The following UBAP2 variants were observed in gnomAD, a reference collection of about 807,000 sequenced individuals.
UBAP2 encodes the protein ubiquitin associated protein 2.
Under a neutral mutation model 139.6 loss-of-function variants are expected in UBAP2, and 75 were observed. That is an observed-to-expected ratio of 0.54 (90% CI 0.45 to 0.65). The LOEUF is 0.65. Among genes scored for constraint, UBAP2 ranks in the 30% least tolerant of loss-of-function variants. The pLI is 0.00. For missense variants in UBAP2, 1,368 were observed against 1,369.6 expected, an observed-to-expected ratio of 1.00 and a Z score of 0.02; for synonymous variants, 526 against 526.2, an observed-to-expected ratio of 1.00 and a Z score of 0.01.
intron 1 of UBAP2, among the ~76,000 whole-genome samples, chr9:34,043,500 T>G (rs1468792245): frequency 6.6e-6 from 1 of 152,048 alleles, no homozygotes; most frequent in African/African-American, 2.4e-5. Flanking sequence ...TCAGCAAGTA[T>G]GCAAAGTATG....
chr9:34,041,233 G>A (rs971769334), intron 1 of UBAP2, among the ~76,000 whole-genome samples: 5 of 151,124 alleles, frequency 3.3e-5, no homozygotes, highest in African/African-American at 7.3e-5. Flanking sequence ...TGGGCAGATC[G>A]CTGGAGGTCA....
chr9:34,000,928 G>C (rs558383420), intron 2 of UBAP2, among the ~76,000 whole-genome samples: 30 of 152,292 alleles, frequency 2.0e-4, no homozygotes, highest in African/African-American at 6.5e-4. Context: ...GAAATTCAGT[G>C]TCTACCCTTA....
At chr9:34,009,405 G>T (rs1231286315) in intron 2 of UBAP2, among the ~76,000 whole-genome samples, 8 of 151,822 alleles carry the variant, frequency 5.3e-5, no homozygotes, top group African/African-American at 1.9e-4. Flanking sequence ...GGCCAAAAAG[G>T]TTTTTTTCTT....
rs1323532262 is a variant in UBAP2 at position 33,959,161 on chromosome 9, A to G, written c.798+1665T>C. On this transcript the variant is annotated intron_variant, in intron 10 of 28. Transcript: ENST00000379238. ...GAGCAAGGCCCTGTCTCAAAAAAAA[A>G]AAAATTAAAGTACTTATTTTTTACA... Among the ~76,000 whole-genome samples the G allele has an allele frequency of 4.6e-5, 7 of 152,154 alleles. No homozygotes were observed. In the East Asian group the frequency reaches 1.4e-3, roughly 29 times the overall value.
chr9:34,005,305 C>T (rs1823100479), intron 2 of UBAP2, among the ~76,000 whole-genome samples: 1 of 149,590 alleles, frequency 6.7e-6, no homozygotes, highest in African/African-American at 2.5e-5. Context: ...CATGGTGGCG[C>T]ATACCTGTAG....
chr9:33,979,375 A>G (rs1820434168), intron 6 of UBAP2, among the ~76,000 whole-genome samples: 1 of 152,226 alleles, frequency 6.6e-6, no homozygotes, highest in African/African-American at 2.4e-5. Context: ...TTAAATACAC[A>G]TTTAAGCCTG....
intron 2 of UBAP2, among the ~76,000 whole-genome samples, chr9:34,009,827 G>A (rs1340850216): frequency 2.9e-4 from 39 of 132,738 alleles, no homozygotes; most frequent in African/African-American, 1.0e-3. Context: ...TTTTTTTTGA[G>A]ACAGAGTTTC....
At chr9:33,931,020 G>A (rs989751333) in intron 19 of UBAP2, among the ~76,000 whole-genome samples, 1 of 151,948 alleles carries the variant, frequency 6.6e-6, no homozygotes, top group Non-Finnish European at 1.5e-5. Context: ...AAGTAGATGA[G>A]AGACAGAAAA....
intron 2 of UBAP2, among the ~76,000 whole-genome samples, chr9:34,004,002 G>A (rs1439491808): frequency 6.6e-6 from 1 of 152,134 alleles, no homozygotes; most frequent in Non-Finnish European, 1.5e-5. Context: ...TTACAGGTAT[G>A]AGCCACCACG....
chr9:34,010,422 C>A (rs1415364133), intron 2 of UBAP2, among the ~76,000 whole-genome samples: 18 of 61,658 alleles, frequency 2.9e-4, no homozygotes, highest in Non-Finnish European at 5.3e-4. Context: ...AGAAACTCTG[C>A]CTCATAAAAA....
At chr9:33,928,104 G>T in intron 19 of UBAP2, 112 bp from the exon 20 acceptor site, 1 of 1,146,204 alleles carries the variant, frequency 8.7e-7, no homozygotes. Context: ...GGCAGGCAAT[G>T]ATGTAACCAC....
chr9:33,926,887 A>G, intron 21 of UBAP2, 102 bp downstream of exon 21: 1 of 1,199,838 alleles, frequency 8.3e-7, no homozygotes, highest in Admixed American at 1.8e-5. Context: ...ATGGAAGGGC[A>G]GCTCAAGGTG....
chr9:33,950,892 C>T (rs888878659), intron 12 of UBAP2, among the ~76,000 whole-genome samples: 1 of 152,248 alleles, frequency 6.6e-6, no homozygotes, highest in Non-Finnish European at 1.5e-5. Flanking sequence ...GTATACAATA[C>T]ACACATGTGC....
chr9:34,018,050 C>T (rs962712703), intron 1 of UBAP2, among the ~76,000 whole-genome samples: 1 of 151,892 alleles, frequency 6.6e-6, no homozygotes, highest in African/African-American at 2.4e-5. Context: ...AAGCTGGGCA[C>T]GGTGGCATGC....
Position 33,953,456 on chromosome 9 carries a change from C to T in UBAP2, c.885G>A (p.Leu295=), listed in dbSNP as rs1367721436. The T allele has an allele frequency of 6.2e-7, 1 of 1,613,852 alleles. No individual in the cohort carries two copies. Among genetic ancestry groups the T allele is most frequent in the Admixed American group, 1.7e-5 (1 of 60,010 alleles). The change falls in exon 12 of 29, where the codon TTG becomes TTA. Residue 295 remains leucine (L), a synonymous_variant. Transcript: ENST00000379238. ...GACTGTGAGGAACAGGCTTCTGGAG[C>T]AAGGCTACCAGATCAATGCTAAGCA... ...LPGQSIDLVA[L]LQKPVPHSQA... is the part of the protein sequence containing the mutation.
At chr9:33,977,094 A>G (rs1306598534) in intron 6 of UBAP2, among the ~76,000 whole-genome samples, 3 of 144,014 alleles carry the variant, frequency 2.1e-5, no homozygotes, top group African/African-American at 7.6e-5. Flanking sequence ...GCTGGAGTGC[A>G]GTGGCGCCAC....
At chr9:33,947,109 C>T (rs1825709807) in intron 13 of UBAP2, among the ~76,000 whole-genome samples, 1 of 152,132 alleles carries the variant, frequency 6.6e-6, no homozygotes, top group South Asian at 2.1e-4. Flanking sequence ...AATGTAGGCA[C>T]AGGGTACCTA....
At position 33,948,362 on chromosome 9, in the gene UBAP2, A is replaced by G. The variant is rs1437791344; in HGVS notation, c.1270+12T>C. 4 of 1,599,248 alleles carry G rather than the reference A, an allele frequency of 2.5e-6. No homozygotes were observed. The African/African-American group carries it at 4.0e-5, about 16-fold the overall frequency. On this transcript the variant is annotated intron_variant, in intron 13 of 28. Transcript: ENST00000379238. ...CTCAGTAGGGGCAAACCCACAAACA[A>G]TGTATACCTACCAAGATGACTGAGG... is the stretch of plus-strand genomic sequence containing the variant.
At chr9:34,016,838 G>A (rs1021860030) in intron 2 of UBAP2, among the ~76,000 whole-genome samples, 2 of 151,940 alleles carry the variant, frequency 1.3e-5, no homozygotes, top group South Asian at 2.1e-4. Flanking sequence ...GATTACAGGC[G>A]TGAGCCACCG....
Sources: gnomAD v4.1 joint callset for allele counts (sites outside exome capture counted in the v4.1 genomes callset) on GRCh38, gnomAD v4.1.1 for gene constraint, MANE v1.5 for transcripts, NCBI Gene and HGNC (gene_info 2026-07-23, HGNC 2026-07-21) for gene names.